Variants in PUM3 observed in about 807,000 individuals in gnomAD.
PUM3 encodes pumilio RNA binding family member 3, also known as pumilio homolog 3.
A neutral mutation model predicts 84.0 loss-of-function variants in PUM3; 91 were observed. That is an observed-to-expected ratio of 1.08 (90% CI 0.91 to 1.29). The LOEUF (loss-of-function observed/expected upper bound fraction) is 1.29. Ranked by LOEUF, PUM3 falls within the 50% of genes most tolerant of loss-of-function variation. The probability of loss-of-function intolerance (pLI) is 0.00; values close to 1 mark genes in which losing one functional copy is unlikely to be tolerated. For synonymous variants in PUM3, 321 were observed against 266.7 expected (o/e 1.20, Z -1.98); for missense variants, 1,067 against 767.5 (o/e 1.39, Z -4.61).
chr9:2,833,020 T>C (rs1305233162), intron 5 of PUM3, among the ~76,000 whole-genome samples: 1 of 152,222 alleles, frequency 6.6e-6, no homozygotes. Flanking sequence ...AGTTGGCAAT[T>C]GAGAACATAC....
intron 8 of PUM3, among the ~76,000 whole-genome samples, chr9:2,829,371 A>G (rs893633068): frequency 2.7e-4 from 41 of 152,314 alleles, no homozygotes; most frequent in African/African-American, 9.6e-4. Context: ...AAGAAGGGCA[A>G]TGCATGCACA....
intron 10 of PUM3, 98 bp from the exon 11 acceptor site, chr9:2,824,913 G>A: frequency 4.2e-6 from 3 of 708,948 alleles, no homozygotes; most frequent in South Asian, 4.3e-5. Context: ...GCAGAGAGAA[G>A]GAAAGGAAGA....
At chr9:2,843,903 A>C (rs1336904969) in intron 1 of PUM3, 142 bp downstream of exon 1, 1 of 153,672 alleles carries the variant, frequency 6.5e-6, no homozygotes, top group Non-Finnish European at 1.4e-5. Context: ...GCCAGGCTCC[A>C]GTCAGTCCCA....
At chr9:2,805,496 T>A (rs1821240317) in intron 17 of PUM3, among the ~76,000 whole-genome samples, 1 of 152,168 alleles carries the variant, frequency 6.6e-6, no homozygotes, top group Admixed American at 6.5e-5. Flanking sequence ...ACTTCCAATA[T>A]GTCAACAAAG....
chr9:2,833,603 A>G (rs1284617134), intron 4 of PUM3, among the ~76,000 whole-genome samples, 171 bp from the exon 5 acceptor site: 1 of 152,194 alleles, frequency 6.6e-6, no homozygotes, highest in Non-Finnish European at 1.5e-5. Flanking sequence ...GACAAAAGTA[A>G]TTTTCTCAAA....
At position 2,837,209 on chromosome 9, in the gene PUM3, C is replaced by A. The variant is rs1816147628; in HGVS notation, c.275G>T (p.Arg92Ile). ...GCTTCTACCATCTGGCTGGAATTTT[C>A]TCTTCTTGTTGAATTTATTTGCCGG... ...FQPANKFNKK[R>I]KFQPDGRSDE... Residue 92 changes from arginine to isoleucine, a missense_variant, in exon 3 of 18, where the codon AGA becomes ATA. Transcript: ENST00000397885. The A allele has an allele frequency of 6.2e-7, 1 of 1,613,990 alleles. No homozygotes were observed. Among genetic ancestry groups the A allele is most frequent in the Non-Finnish European group, 8.5e-7 (1 of 1,179,984 alleles).
rs1172441622 is a variant in PUM3 at position 2,812,287 on chromosome 9, T to C, written c.1345A>G (p.Arg449Gly). 1.9e-6 allele frequency: 3 copies of C among 1,610,834 alleles called. No homozygotes were observed. Among genetic ancestry groups the C allele is most frequent in the Non-Finnish European group, 2.5e-6 (3 of 1,177,118 alleles). ...TCTCGTACTGTATGTGCAGGATCTCTGGGGCTTAGTAAGTACAATAGGACC... is the reference window on the plus strand; with the variant it reads ...TCTCGTACTGTATGTGCAGGATCTCCGGGGCTTAGTAAGTACAATAGGACC... ...RKVLLYLLSP[R>G]DPAHTVREII... Residue 449 changes from arginine to glycine, a missense_variant, in exon 14 of 18, where the codon AGA (arginine) becomes GGA (glycine). By Grantham distance (125) the Arg-to-Gly change is moderately radical (BLOSUM62 -2). Transcript: ENST00000397885.
chr9:2,841,061 C>T (rs898507057), intron 1 of PUM3, among the ~76,000 whole-genome samples: 1 of 152,176 alleles, frequency 6.6e-6, no homozygotes, highest in Non-Finnish European at 1.5e-5. Flanking sequence ...TCTAATCAAG[C>T]ACCACATATT....
chr9:2,819,045 T>A (rs745822774), intron 13 of PUM3, among the ~76,000 whole-genome samples: 5 of 152,196 alleles, frequency 3.3e-5, no homozygotes, highest in Admixed American at 6.5e-5. Flanking sequence ...CATTTATGTA[T>A]ATCAAACAGA....
intron 3 of PUM3, 91 bp downstream of exon 3, chr9:2,837,089 G>A: frequency 1.9e-6 from 2 of 1,079,064 alleles, no homozygotes; most frequent in Non-Finnish European, 2.8e-6. Context: ...ACCTGCCAAG[G>A]AATAAGAATG....
chr9:2,819,512 T>C (rs1821541461), intron 13 of PUM3, among the ~76,000 whole-genome samples: 1 of 152,228 alleles, frequency 6.6e-6, no homozygotes, highest in South Asian at 2.1e-4. Context: ...GAGTGAGTTT[T>C]GTACATTTCT....
chr9:2,823,601 T>C (rs1279562941), intron 12 of PUM3, among the ~76,000 whole-genome samples, 180 bp downstream of exon 12: 1 of 152,162 alleles, frequency 6.6e-6, no homozygotes, highest in Non-Finnish European at 1.5e-5. Context: ...AGAATGCATG[T>C]GACATGATTT....
At position 2,827,065 on chromosome 9, in the gene PUM3, G is replaced by C. The variant is rs1815840790; in HGVS notation, c.1035+8C>G. ...GTTTTAGTTTAAAAACAAAAACCAA[G>C]AACTTACTGATCTGAGTTTGGGGGG... On this transcript the variant is annotated splice_region_variant and intron_variant, in intron 10 of 17. Transcript: ENST00000397885. 2 of 1,601,964 alleles carry C rather than the reference G, an allele frequency of 1.2e-6. No individual in the cohort carries two copies. The highest frequency in any genetic ancestry group is 1.7e-6 in the Non-Finnish European group (2 of 1,175,074).
At chr9:2,816,930 A>T (rs1012665124) in intron 13 of PUM3, among the ~76,000 whole-genome samples, 1 of 152,204 alleles carries the variant, frequency 6.6e-6, no homozygotes, top group Non-Finnish European at 1.5e-5. Flanking sequence ...CTCTAAATGG[A>T]ATGCTTAGCA....
At chr9:2,820,753 T>C (rs1821573126) in intron 12 of PUM3, among the ~76,000 whole-genome samples, 1 of 152,184 alleles carries the variant, frequency 6.6e-6, no homozygotes, top group South Asian at 2.1e-4. Flanking sequence ...ATAAAAATCA[T>C]TACTTTAAAA....
At chr9:2,838,143 G>A (rs1816177872) in intron 2 of PUM3, among the ~76,000 whole-genome samples, 1 of 152,150 alleles carries the variant, frequency 6.6e-6, no homozygotes, top group South Asian at 2.1e-4. Context: ...TTTATCAAAT[G>A]TTAAAATAAA....
intron 13 of PUM3, among the ~76,000 whole-genome samples, chr9:2,815,590 C>T (rs1428826992): frequency 6.6e-6 from 1 of 152,198 alleles, no homozygotes; most frequent in Non-Finnish European, 1.5e-5. Context: ...ACCTGCCTAA[C>T]TCATGGGCTA....
Position 2,834,012 on chromosome 9 carries a change from C to T in PUM3, c.440+19G>A, listed in dbSNP as rs368954960. 5 of 1,610,006 alleles carry T rather than the reference C, an allele frequency of 3.1e-6. No homozygotes were observed. In the African/African-American group the frequency reaches 5.4e-5, roughly 17 times the overall value. ...ACTGTTGCAAAGGGACTAACAAAGG[C>T]ATCTTTAGGTAGAATTACCTTCTTA... On this transcript the variant is annotated intron_variant, in intron 4 of 17. Transcript: ENST00000397885.
intron 14 of PUM3, among the ~76,000 whole-genome samples, chr9:2,811,929 T>C (rs915435273): frequency 2.0e-5 from 3 of 151,034 alleles, no homozygotes; most frequent in Non-Finnish European, 4.4e-5. Context: ...TACTCTAGGG[T>C]ACTCAAATAT....
Sources: gnomAD v4.1 joint callset for allele counts (sites outside exome capture counted in the v4.1 genomes callset) on GRCh38, gnomAD v4.1.1 for gene constraint, MANE v1.5 for transcripts, NCBI Gene and HGNC (gene_info 2026-07-23, HGNC 2026-07-21) for gene names.